Variants in FNDC3B observed in about 807,000 individuals in gnomAD.
The protein encoded by FNDC3B is fibronectin type III domain-containing protein 3B.
FNDC3B carries 12 observed loss-of-function variants against 151.5 expected under a neutral mutation model. The ratio of observed to expected loss-of-function variants is 0.08; its 90% CI spans 0.05 to 0.13. The LOEUF (loss-of-function observed/expected upper bound fraction) is 0.13, where lower values mean the gene tolerates loss of function less well. Ranked by LOEUF, FNDC3B falls within the 10% of genes least tolerant of loss-of-function variation. FNDC3B has a pLI of 1.00. For synonymous variants in FNDC3B, 528 were observed against 549.0 expected (o/e 0.96, Z 0.54); for missense variants, 1,214 against 1,505.3 (o/e 0.81, Z 3.20).
chr3:172,262,122 A>G (rs544315816), intron 6 of FNDC3B, among the ~76,000 whole-genome samples: 1 of 152,360 alleles, frequency 6.6e-6, no homozygotes, highest in East Asian at 1.9e-4. Flanking sequence ...AGGAGCACAC[A>G]GTGGGCAGGG....
Position 172,229,133 on chromosome 3 carries a change from AC to A in FNDC3B, c.264+2187del, listed in dbSNP as rs1560028784. ...CACACACACACACACACACACACAC[AC>A]ACAATCTCCTGCAGCAGGCTGGACA... On this transcript the variant is annotated intron_variant, in intron 4 of 25. Transcript: ENST00000415807. Among the ~76,000 whole-genome samples the A allele has an allele frequency of 9.4e-3, 883 of 93,596 alleles. 9 individuals carry two copies. Among genetic ancestry groups the A allele is most frequent in the South Asian group, 0.026 (74 of 2,832 alleles). The allele number at this position is 93,596 out of a possible 152,430, so 61.4% of individuals were successfully genotyped here.
chr3:172,154,814 A>G (rs1027620982), intron 3 of FNDC3B, among the ~76,000 whole-genome samples: 2 of 152,160 alleles, frequency 1.3e-5, no homozygotes, highest in African/African-American at 4.8e-5. Context: ...TAAAAGTTTT[A>G]TAACTTTAAT....
At chr3:172,263,054 C>T (rs1426932676) in intron 6 of FNDC3B, among the ~76,000 whole-genome samples, 1 of 150,188 alleles carries the variant, frequency 6.7e-6, no homozygotes, top group Non-Finnish European at 1.5e-5. Context: ...AATTCACTCT[C>T]ATATCCCCTT....
Position 172,151,597 on chromosome 3 carries a change from A to T in FNDC3B, c.187+18051A>T, listed in dbSNP as rs536744874. Among the ~76,000 whole-genome samples, 15 of 152,254 alleles carry T rather than the reference A, an allele frequency of 9.9e-5. No homozygotes were observed. The South Asian group carries it at 3.1e-3, about 32-fold the overall frequency. On this transcript the variant is annotated intron_variant, in intron 3 of 25. Transcript: ENST00000415807. ...TCCAGATGTACAAGAAGTATTTGAG[A>T]TTTGGTAGTTTTAATTTTGGAAATG...
intron 9 of FNDC3B, among the ~76,000 whole-genome samples, chr3:172,306,093 G>A (rs950578663): frequency 1.3e-5 from 2 of 152,072 alleles, no homozygotes; most frequent in African/African-American, 2.4e-5. Flanking sequence ...TGCCTTTGAC[G>A]TATGGCCTCT....
At chr3:172,297,371 A>G (rs1394784592) in intron 8 of FNDC3B, among the ~76,000 whole-genome samples, 2 of 152,194 alleles carry the variant, frequency 1.3e-5, no homozygotes, top group Admixed American at 6.5e-5. Flanking sequence ...AGGAATACCT[A>G]TATACTCCAT....
rs558273075 is a variant in FNDC3B at position 172,077,166 on chromosome 3, A to C, written c.-28-35286A>C. On this transcript the variant is annotated intron_variant, in intron 1 of 25. Coordinates refer to ENST00000415807, the MANE Select transcript of FNDC3B (RefSeq NM_022763.4). Reference sequence around the variant, plus strand: ...AATAAATTGGTTAAAAAAAATAAAAAAAAGTGTTTATAATAAGTTGAATGT... The same window carrying C: ...AATAAATTGGTTAAAAAAAATAAAACAAAGTGTTTATAATAAGTTGAATGT... 2.0e-5 allele frequency among the ~76,000 whole-genome samples: 3 copies of C among 151,858 alleles called. No homozygotes were observed. The South Asian group carries it at 6.3e-4, about 32-fold the overall frequency.
chr3:172,093,505 G>T (rs759427644), intron 1 of FNDC3B, among the ~76,000 whole-genome samples: 5 of 151,650 alleles, frequency 3.3e-5, no homozygotes, highest in Non-Finnish European at 7.4e-5. Flanking sequence ...TGATCCGCCC[G>T]CCTTGGCCTC....
intron 1 of FNDC3B, among the ~76,000 whole-genome samples, chr3:172,057,817 A>G (rs940798142): frequency 2.0e-5 from 3 of 151,682 alleles, no homozygotes; most frequent in African/African-American, 7.3e-5. Flanking sequence ...ATTTCCTTGC[A>G]GTAGGCAGGA....
intron 1 of FNDC3B, among the ~76,000 whole-genome samples, chr3:172,103,234 G>A (rs1470033843): frequency 6.6e-6 from 1 of 152,166 alleles, no homozygotes; most frequent in Non-Finnish European, 1.5e-5. Context: ...GGTATTATGT[G>A]AGGATGTGGA....
chr3:172,160,299 CCACTTA>C (rs1385751670), intron 3 of FNDC3B, among the ~76,000 whole-genome samples: 1 of 152,126 alleles, frequency 6.6e-6, no homozygotes, highest in Non-Finnish European at 1.5e-5. Context: ...TTTTGGCTTC[CCACTTA>C]CAGGGGCGGA....
At chr3:172,300,867 A>G (rs1262544726) in intron 9 of FNDC3B, among the ~76,000 whole-genome samples, 1 of 152,200 alleles carries the variant, frequency 6.6e-6, no homozygotes, top group Non-Finnish European at 1.5e-5. Flanking sequence ...GTCTTTGTGC[A>G]CTGCCTAATG....
intron 3 of FNDC3B, among the ~76,000 whole-genome samples, chr3:172,163,517 C>G (rs888379110): frequency 6.6e-6 from 1 of 152,186 alleles, no homozygotes; most frequent in Non-Finnish European, 1.5e-5. Flanking sequence ...TGCACGCACA[C>G]ATGCATCCAA....
rs1454245656 is a variant in FNDC3B, at chr3:172,052,562, TGAG to T, written c.-29+12795_-29+12797del. Among the ~76,000 whole-genome samples the T allele has an allele frequency of 9.8e-5, 15 of 152,316 alleles. No individual in the cohort carries two copies. In the East Asian group the frequency reaches 2.3e-3, roughly 23 times the overall value. ...CAAAGAGCATGCCTTGGAAAGAACT[TGAG>T]GAGAATGACCTCAGCTATTTGCAGG... On this transcript the variant is annotated intron_variant, in intron 1 of 25. Transcript: ENST00000415807.
At chr3:172,383,747 T>G (rs1217671643) in intron 25 of FNDC3B, among the ~76,000 whole-genome samples, 2 of 152,356 alleles carry the variant, frequency 1.3e-5, no homozygotes, top group East Asian at 3.9e-4. Flanking sequence ...GAAATTAGTT[T>G]TATCATGTTT....
chr3:172,065,722 G>T (rs1253116420), intron 1 of FNDC3B, among the ~76,000 whole-genome samples: 2 of 152,238 alleles, frequency 1.3e-5, no homozygotes, highest in African/African-American at 4.8e-5. Flanking sequence ...GCCTGGAGTA[G>T]CTCCAGATGG....
intron 3 of FNDC3B, among the ~76,000 whole-genome samples, chr3:172,188,676 A>G (rs1055098444): frequency 2.0e-5 from 3 of 152,120 alleles, no homozygotes; most frequent in Admixed American, 2.0e-4. Context: ...AAGTGCTGGG[A>G]ATACAGGTGT....
intron 4 of FNDC3B, among the ~76,000 whole-genome samples, chr3:172,235,520 G>GAAA: frequency 6.6e-6 from 1 of 152,142 alleles, no homozygotes; most frequent in Non-Finnish European, 1.5e-5. Flanking sequence ...ACTGGGAAGG[G>GAAA]TCCAGACTGA....
At chr3:172,127,226 A>G (rs1720848873) in intron 2 of FNDC3B, among the ~76,000 whole-genome samples, 2 of 152,326 alleles carry the variant, frequency 1.3e-5, no homozygotes, top group South Asian at 4.1e-4. Context: ...AGGAACACAT[A>G]TTTCCTAGAA....
Sources: gnomAD v4.1 joint callset for allele counts (sites outside exome capture counted in the v4.1 genomes callset) on GRCh38, gnomAD v4.1.1 for gene constraint, MANE v1.5 for transcripts, NCBI Gene and HGNC (gene_info 2026-07-23, HGNC 2026-07-21) for gene names.